The following ATP10A variants were observed in gnomAD, a reference collection of about 807,000 sequenced individuals.
ATP10A encodes ATPase phospholipid transporting 10A (putative).
In ATP10A, 111 loss-of-function variants were observed where a neutral mutation model predicts 147.8. The observed-to-expected ratio is 0.75, with a 90% CI of 0.64 to 0.88. The LOEUF is 0.88. Among genes scored for constraint, ATP10A ranks in the 40% least tolerant of loss-of-function variants. The pLI is 0.00. For synonymous variants in ATP10A, 875 were observed against 841.6 expected (o/e 1.04, Z -0.69); for missense variants, 1,927 against 1,959.0 (o/e 0.98, Z 0.31).
At chr15:25,847,743 A>ATC (rs1467785427) in intron 1 of ATP10A, among the ~76,000 whole-genome samples, 13 of 146,482 alleles carry the variant, frequency 8.9e-5, no homozygotes, top group Admixed American at 7.0e-4. Flanking sequence ...TGCTCAAACA[A>ATC]TCTCAGCCCC....
At chr15:25,736,247 G>A (rs776230352) in intron 2 of ATP10A, 106 bp from the exon 3 acceptor site, 5 of 826,720 alleles carry the variant, frequency 6.0e-6, no homozygotes, top group Non-Finnish European at 1.0e-5. Flanking sequence ...CATTTCACGG[G>A]GGAAGAACTC....
intron 1 of ATP10A, among the ~76,000 whole-genome samples, chr15:25,860,620 A>C (rs1893716652): frequency 6.6e-6 from 1 of 152,158 alleles, no homozygotes; most frequent in Non-Finnish European, 1.5e-5. Context: ...AAGAAGACAG[A>C]GTCTGAGGGA....
chr15:25,681,090 A>G lies in ATP10A; in HGVS notation c.3493-16T>C. 6.2e-7 allele frequency: 1 copy of G among 1,609,306 alleles called. No individual in the cohort carries two copies. The highest frequency in any genetic ancestry group is 8.5e-7 in the Non-Finnish European group (1 of 1,176,012). On this transcript the variant is annotated splice_polypyrimidine_tract_variant and intron_variant, in intron 17 of 20. Coordinates refer to ENST00000555815, the MANE Select transcript of ATP10A (RefSeq NM_024490.4). ...GCCGGTATTCCTGGGACACAAAAAC[A>G]ATCAGTGATGTTACAGTGAAGCATT...
chr15:25,679,137 T>C lies in ATP10A; in HGVS notation c.*204A>G, dbSNP rs1899218021. ...TGTTACTCTTCTTTAAACTTTTATATATGTTAAGGCTCTTCTTTTTCTTTT... is the reference window on the plus strand; with the variant it reads ...TGTTACTCTTCTTTAAACTTTTATACATGTTAAGGCTCTTCTTTTTCTTTT... On this transcript the variant is annotated 3_prime_UTR_variant, in exon 21 of 21. Coordinates refer to ENST00000555815, the MANE Select transcript of ATP10A (RefSeq NM_024490.4). 6.7e-6 allele frequency: 2 copies of C among 300,210 alleles called. No individual in the cohort carries two copies. The highest frequency in any genetic ancestry group is 1.1e-5 in the Non-Finnish European group (2 of 173,972). 18.6% of individuals were successfully genotyped at this position (300,210 alleles called of 1,614,324 possible).
chr15:25,724,777 C>T (rs1285531965), intron 5 of ATP10A, among the ~76,000 whole-genome samples: 1 of 152,232 alleles, frequency 6.6e-6, no homozygotes, highest in Non-Finnish European at 1.5e-5. Context: ...CATTCTTCCA[C>T]TAAGAAATCG....
intron 2 of ATP10A, among the ~76,000 whole-genome samples, chr15:25,773,403 G>A (rs1040546979): frequency 1.3e-4 from 20 of 152,150 alleles, no homozygotes; most frequent in African/African-American, 4.8e-4. Context: ...GTTCCCTCTT[G>A]TTGAAAGCTG....
chr15:25,677,682 A>T (rs1167524054), downstream of ATP10A: 3 of 152,278 alleles, frequency 2.0e-5, no homozygotes, highest in South Asian at 6.2e-4. Flanking sequence ...GACGGCTGTC[A>T]CCTTCGGTCC....
rs771682362 is a variant in ATP10A, at chr15:25,691,784, T to A, written c.3096A>T (p.Gly1032=). 81 of 1,614,024 alleles carry A rather than the reference T, an allele frequency of 5.0e-5. No individual in the cohort carries two copies. Among genetic ancestry groups the A allele is most frequent in the Non-Finnish European group, 6.7e-5 (79 of 1,180,026 alleles). The change falls in exon 15 of 21, where the codon GGA becomes GGT. Residue 1032 remains glycine (G), a synonymous_variant. Transcript: ENST00000555815. ...LKAMTLAIGD[G]ANDVSMIQVA... ...CCTGGATCATGCTGACATCATTGGCTCCATCACCTAGAAACAGCACAGGCA... is the reference window on the plus strand; with the variant it reads ...CCTGGATCATGCTGACATCATTGGCACCATCACCTAGAAACAGCACAGGCA...
chr15:25,846,138 T>C (rs1420920452), intron 1 of ATP10A, among the ~76,000 whole-genome samples: 2 of 152,086 alleles, frequency 1.3e-5, no homozygotes, highest in African/African-American at 4.8e-5. Flanking sequence ...GAACGGTTGT[T>C]GCCAGGGGCT....
chr15:25,697,884 G>T (rs999300977), intron 13 of ATP10A, among the ~76,000 whole-genome samples: 3 of 152,208 alleles, frequency 2.0e-5, no homozygotes, highest in African/African-American at 7.2e-5. Flanking sequence ...CTCTGTGGCT[G>T]TCCTCCCTAA....
chr15:25,763,301 T>G (rs554472068), intron 2 of ATP10A, among the ~76,000 whole-genome samples: 162 of 152,356 alleles, frequency 1.1e-3, no homozygotes, highest in African/African-American at 3.6e-3. Context: ...CTTTTAATTC[T>G]AGATCACTAA....
In ATP10A at chr15:25,796,795, C is replaced by A. The variant is rs146225644; in HGVS notation, c.450-15572G>T. On this transcript the variant is annotated intron_variant, in intron 1 of 20. Coordinates refer to ENST00000555815, the MANE Select transcript of ATP10A (RefSeq NM_024490.4). Reference sequence around the variant, plus strand: ...ACACTTGACAGAAGGTGGTGACAGCCGTAATTTGAGCTGGCCTTGTAGAGG... The same window carrying A: ...ACACTTGACAGAAGGTGGTGACAGCAGTAATTTGAGCTGGCCTTGTAGAGG... Among the ~76,000 whole-genome samples the A allele has an allele frequency of 3.0e-3, 458 of 152,276 alleles. 4 individuals carry two copies. Among genetic ancestry groups the A allele is most frequent in the African/African-American group, 0.011 (441 of 41,568 alleles).
rs143743235 is a variant in ATP10A, at chr15:25,714,022, C to T, written c.1996G>A (p.Ala666Thr). The T allele has an allele frequency of 1.6e-4, 262 of 1,610,498 alleles. No individual in the cohort carries two copies. The highest frequency in any genetic ancestry group is 2.1e-4 in the Non-Finnish European group (252 of 1,179,890). Residue 666 changes from alanine (A) to threonine (T), a missense_variant, in exon 10 of 21, where the codon GCC (alanine) becomes ACC (threonine). Physicochemically the swap from Ala to Thr is moderately conservative, Grantham distance 58. Coordinates refer to ENST00000555815, the MANE Select transcript of ATP10A (RefSeq NM_024490.4). ...GCCTGGCTGCTGTAGCCGTTGCTGG[C>T]GATGGCCGAGGTGGGCTGGCCCAGC... The part of the protein sequence containing the change: ...ERLGQPTSAI[A>T]SNGYSSQADN...
chr15:25,859,782 A>G (rs1397769313), intron 1 of ATP10A, among the ~76,000 whole-genome samples: 5 of 152,132 alleles, frequency 3.3e-5, no homozygotes, highest in Non-Finnish European at 7.4e-5. Context: ...GGTGTCACTG[A>G]AAAACAGCAC....
Position 25,784,127 on chromosome 15 carries a change from G to A in ATP10A, c.450-2904C>T, listed in dbSNP as rs1260290804. ...TTTGTCCTTCTTCCTTCTCATGAGC[G>A]TCTGCTGGGCTCCTGCAGAGGACAC... On this transcript the variant is annotated intron_variant, in intron 1 of 20. Transcript: ENST00000555815. 3.9e-5 allele frequency among the ~76,000 whole-genome samples: 6 copies of A among 152,172 alleles called. No homozygotes were observed. The East Asian group carries it at 7.7e-4, about 20-fold the overall frequency.
At chr15:25,751,126 T>C (rs1888136588) in intron 2 of ATP10A, among the ~76,000 whole-genome samples, 2 of 152,252 alleles carry the variant, frequency 1.3e-5, no homozygotes, top group South Asian at 2.1e-4. Flanking sequence ...AAATATGTTA[T>C]ATAAGGTTAT....
At chr15:25,829,589 G>A (rs576041519) in intron 1 of ATP10A, among the ~76,000 whole-genome samples, 7 of 152,238 alleles carry the variant, frequency 4.6e-5, no homozygotes, top group South Asian at 4.1e-4. Flanking sequence ...AAATCCATAC[G>A]TGGGTCAGAC....
chr15:25,799,202 T>C (rs1890824674), intron 1 of ATP10A, among the ~76,000 whole-genome samples: 2 of 152,166 alleles, frequency 1.3e-5, no homozygotes, highest in African/African-American at 4.8e-5. Flanking sequence ...TCCCTGATGG[T>C]GTCTGGTTTG....
intron 3 of ATP10A, among the ~76,000 whole-genome samples, chr15:25,727,532 C>G (rs1021878978): frequency 2.6e-5 from 4 of 152,130 alleles, no homozygotes; most frequent in Non-Finnish European, 5.9e-5. Flanking sequence ...TGCAGATAGA[C>G]TTGTTTTCAC....
Sources: gnomAD v4.1 joint callset for allele counts (sites outside exome capture counted in the v4.1 genomes callset) on GRCh38, gnomAD v4.1.1 for gene constraint, MANE v1.5 for transcripts, NCBI Gene and HGNC (gene_info 2026-07-23, HGNC 2026-07-21) for gene names.